The following ADGRD2 variants were observed in gnomAD, a reference collection of about 807,000 sequenced individuals.
The protein encoded by ADGRD2 is G protein-coupled receptor PGR24.
ADGRD2 carries 71 observed loss-of-function variants against 44.4 expected under a neutral mutation model. That is an observed-to-expected ratio of 1.60 (90% CI 1.32 to 1.95). The LOEUF is 1.95. ADGRD2 is among the 30% of genes most tolerant of loss of function. The pLI is 0.00. For missense variants in ADGRD2, 1,039 were observed against 512.4 expected (o/e 2.03, Z -9.92); for synonymous variants, 481 against 224.8 (o/e 2.14, Z -10.19).
exon 2 of ADGRD2, chr9:124,452,526 C>T (rs1831502876): frequency 5.6e-6 from 4 of 718,550 alleles, no homozygotes; most frequent in East Asian, 2.7e-5. Context: ...TGGCCGCCGG[C>T]GAGGTGGTGA....
chr9:124,458,836 G>T (rs1209123309), intron 10 of ADGRD2, 115 bp downstream of exon 13: 28 of 618,194 alleles, frequency 4.5e-5, no homozygotes, highest in Non-Finnish European at 4.8e-5. Context: ...GCACACAAAA[G>T]GTACCTGCAA....
chr9:124,464,489 CTT>C (rs1428624727), intron 10 of ADGRD2, among the ~76,000 whole-genome samples: 1 of 152,158 alleles, frequency 6.6e-6, no homozygotes, highest in Non-Finnish European at 1.5e-5. Context: ...ATAGCTGTCT[CTT>C]AGGTTGCTAT....
intron 21 of ADGRD2, chr9:124,477,011 A>C: frequency 1.6e-6 from 1 of 644,244 alleles, no homozygotes; most frequent in Non-Finnish European, 3.0e-6. Context: ...GGGCGCTGCC[A>C]AGGAGCACAG....
chr9:124,475,496 G>C lies in ADGRD2; in HGVS notation c.2800+9G>C. 1.4e-6 allele frequency: 1 copy of C among 714,694 alleles called. No homozygotes were observed. 44.3% of individuals were successfully genotyped at this position (714,694 alleles called of 1,614,324 possible). On this transcript the variant is annotated intron_variant, in intron 18 of 21. Coordinates refer to ENST00000334810, the Ensembl canonical transcript of ADGRD2. ...CTGCCTGCAATGAGGAGGTGAGTCT[G>C]GGGGTGCCGGCTGCAGGGAGAGGGG...
intron 17 of ADGRD2, among the ~76,000 whole-genome samples, chr9:124,471,283 C>T (rs1831941684): frequency 6.6e-6 from 1 of 152,100 alleles, no homozygotes; most frequent in Non-Finnish European, 1.5e-5. Context: ...AGGCACCTCT[C>T]CCTGTCACCT....
intron 10 of ADGRD2, among the ~76,000 whole-genome samples, chr9:124,464,204 A>G (rs1360244961): frequency 6.6e-6 from 1 of 152,088 alleles, no homozygotes; most frequent in African/African-American, 2.4e-5. Flanking sequence ...AAAAATAAAT[A>G]AAAGTGATGT....
chr9:124,458,805 G>C, intron 10 of ADGRD2, 84 bp downstream of exon 13: 1 of 669,666 alleles, frequency 1.5e-6, no homozygotes, highest in South Asian at 1.6e-5. Context: ...TTTATCCAAT[G>C]GACAACCAAG....
exon 2 of ADGRD2, chr9:124,452,722 C>A: frequency 1.4e-6 from 1 of 710,578 alleles, no homozygotes. Flanking sequence ...CCCACAGAGG[C>A]GTGAGTGTGG....
intron 21 of ADGRD2, 200 bp downstream of exon 24, chr9:124,476,909 CATTA>C: frequency 1.4e-6 from 1 of 705,296 alleles, no homozygotes; most frequent in Non-Finnish European, 2.6e-6. Context: ...GGGAGGACTT[CATTA>C]GAGAGTAGGT....
At chr9:124,476,937 T>C in intron 21 of ADGRD2, 1 of 703,936 alleles carries the variant, frequency 1.4e-6, no homozygotes, top group African/African-American at 1.7e-5. Flanking sequence ...GGAACCCTAT[T>C]CTGAGCGGGC....
chr9:124,457,640 T>C (rs182487183), intron 8 of ADGRD2, 34 bp downstream of exon 11: 10 of 581,472 alleles, frequency 1.7e-5, no homozygotes, highest in Non-Finnish European at 2.5e-5. Flanking sequence ...CAGAGCCCTG[T>C]TGGGTTCTGG....
chr9:124,460,312 C>T (rs919455803), intron 10 of ADGRD2, among the ~76,000 whole-genome samples: 3 of 151,408 alleles, frequency 2.0e-5, no homozygotes, highest in Non-Finnish European at 2.9e-5. Context: ...AAGCCATTCT[C>T]CTGCCTCAGC....
intron 21 of ADGRD2, among the ~76,000 whole-genome samples, chr9:124,477,273 C>G (rs1477864243): frequency 6.6e-6 from 1 of 152,194 alleles, no homozygotes; most frequent in East Asian, 1.9e-4. Flanking sequence ...AGGACTGAAG[C>G]CTGGGGAGCT....
chr9:124,475,418 C>A, intron 17 of ADGRD2, 28 bp from the exon 21 acceptor site: 1 of 708,006 alleles, frequency 1.4e-6, no homozygotes, highest in Non-Finnish European at 2.6e-6. Context: ...AGGCTCCGGG[C>A]TGAGGCACTC....
Position 124,458,003 on chromosome 9 carries a change from G to A in ADGRD2, c.1641-110G>A. 6.1e-6 allele frequency: 4 copies of A among 660,916 alleles called. No homozygotes were observed. In the Admixed American group the frequency reaches 9.4e-5, roughly 16 times the overall value. 40.9% of individuals were successfully genotyped at this position (660,916 alleles called of 1,614,324 possible). A position where few individuals can be genotyped will look rare whatever the true frequency, so the allele number is the denominator to read the frequency against. ...CTTAGGGAAGTCAGTTTACCTCTCTGAGCCTCAGTTTCCCTATCTCTAGAG... is the reference window on the plus strand; with the variant it reads ...CTTAGGGAAGTCAGTTTACCTCTCTAAGCCTCAGTTTCCCTATCTCTAGAG... On this transcript the variant is annotated intron_variant, in intron 8 of 21. Transcript: ENST00000334810.
exon 8 of ADGRD2, chr9:124,457,559 G>A: frequency 1.5e-6 from 1 of 683,164 alleles, no homozygotes; most frequent in Non-Finnish European, 2.7e-6. Context: ...GAGGGGCCCG[G>A]CCATATCCAC....
chr9:124,476,773 C>A, intron 21 of ADGRD2, 64 bp downstream of exon 24: 1 of 677,214 alleles, frequency 1.5e-6, no homozygotes, highest in Non-Finnish European at 2.7e-6. Context: ...CCTAAGCCCC[C>A]CGTACCAGGA....
exon 3 of ADGRD2, chr9:124,453,282 C>G: frequency 2.0e-6 from 1 of 494,440 alleles, no homozygotes; most frequent in Non-Finnish European, 3.5e-6. Flanking sequence ...GTGGGCAGCA[C>G]GCGCCCTTCC....
chr9:124,467,373 G>A lies in ADGRD2; in HGVS notation c.2027-348G>A, dbSNP rs115325187. The A allele has an allele frequency of 7.1e-3, 1,381 of 194,152 alleles. 26 individuals carry two copies. Among genetic ancestry groups the A allele is most frequent in the African/African-American group, 0.031 (1,310 of 42,008 alleles). 12.0% of individuals were successfully genotyped at this position (194,152 alleles called of 1,614,324 possible). On this transcript the variant is annotated intron_variant, in intron 11 of 21. Transcript: ENST00000334810. ...AAAAAAAAAAAAAAAAAGTCAGAGC[G>A]TGGACACTTTTCCACATCATGAGTA...
Sources: gnomAD v4.1 joint callset for allele counts (sites outside exome capture counted in the v4.1 genomes callset) on GRCh38, gnomAD v4.1.1 for gene constraint, MANE v1.5 for transcripts, NCBI Gene and HGNC (gene_info 2026-07-23, HGNC 2026-07-21) for gene names.